The following PDZRN3 variants were observed in gnomAD, a reference collection of about 807,000 sequenced individuals.
PDZRN3 encodes the protein PDZ domain containing ring finger 3.
In PDZRN3, 38 loss-of-function variants were observed where a neutral mutation model predicts 85.7. That is an observed-to-expected ratio of 0.44 (90% CI 0.34 to 0.58). The LOEUF (loss-of-function observed/expected upper bound fraction) is 0.58, where lower values mean the gene tolerates loss of function less well. Ranked by LOEUF, PDZRN3 falls within the 20% of genes least tolerant of loss-of-function variation. PDZRN3 has a pLI of 0.01. For synonymous variants in PDZRN3, 759 were observed against 638.0 expected, an observed-to-expected ratio of 1.19 and a Z score of -2.86; for missense variants, 1,629 against 1,506.4, an observed-to-expected ratio of 1.08 and a Z score of -1.35.
intron 3 of PDZRN3, among the ~76,000 whole-genome samples, chr3:73,596,458 T>C: frequency 6.6e-6 from 1 of 152,210 alleles, no homozygotes; most frequent in Non-Finnish European, 1.5e-5. Flanking sequence ...AACTATTGAT[T>C]ATAAAGAAGA....
At chr3:73,419,588 A>AT (rs1317601442) in intron 3 of PDZRN3, among the ~76,000 whole-genome samples, 13 of 151,966 alleles carry the variant, frequency 8.6e-5, no homozygotes, top group East Asian at 3.9e-4. Flanking sequence ...TGGGTCAGGG[A>AT]TTTTTTTTCC....
chr3:73,545,475 G>T (rs1401433737), intron 3 of PDZRN3, among the ~76,000 whole-genome samples: 2 of 152,172 alleles, frequency 1.3e-5, no homozygotes, highest in Admixed American at 6.5e-5. Flanking sequence ...CAGGCAAATG[G>T]TTAAGATTGC....
In PDZRN3 at chr3:73,604,809, A is replaced by G. The variant is rs1041989063; in HGVS notation, c.811-2348T>C. Among the ~76,000 whole-genome samples the G allele has an allele frequency of 3.9e-5, 6 of 152,262 alleles. No individual in the cohort carries two copies. The East Asian group carries it at 1.2e-3, about 29-fold the overall frequency. On this transcript the variant is annotated intron_variant, in intron 2 of 9. Transcript: ENST00000263666. ...CAAAATACCACATTGCACATAAGTA[A>G]TAACTCTTAAGGAGTACTAGAAAGT...
At chr3:73,560,853 G>C (rs938466305) in intron 3 of PDZRN3, among the ~76,000 whole-genome samples, 1 of 152,180 alleles carries the variant, frequency 6.6e-6, no homozygotes, top group Admixed American at 6.5e-5. Flanking sequence ...GGCTCCAGGT[G>C]ACTGACAATG....
chr3:73,400,059 C>CAGTT (rs747093597), intron 5 of PDZRN3, among the ~76,000 whole-genome samples: 1 of 152,184 alleles, frequency 6.6e-6, no homozygotes, highest in East Asian at 1.9e-4. Context: ...GATTACACAA[C>CAGTT]AGTTAGCCAT....
At chr3:73,563,010 TA>T (rs1176691863) in intron 3 of PDZRN3, among the ~76,000 whole-genome samples, 9 of 41,304 alleles carry the variant, frequency 2.2e-4, no homozygotes, top group Admixed American at 1.9e-3. Flanking sequence ...TATATATATA[TA>T]TATTTTTTTT....
chr3:73,624,927 G>A lies in PDZRN3; in HGVS notation c.-102C>T. The A allele has an allele frequency of 5.6e-6, 5 of 893,458 alleles. No individual in the cohort carries two copies. The highest frequency in any genetic ancestry group is 4.4e-5 in the Admixed American group (1 of 22,726). The allele number at this position is 893,458 out of a possible 1,614,324, so 55.3% of individuals were successfully genotyped here. A position where few individuals can be genotyped will look rare whatever the true frequency, so the allele number is the denominator to read the frequency against. On this transcript the variant is annotated 5_prime_UTR_variant, in exon 1 of 10. Transcript: ENST00000263666. The stretch of plus-strand genomic sequence containing the variant: ...CGGCTACGCCGCCCGCGCGCTCGCT[G>A]GCTCTCCCCGGACTGAGCCTAATTG...
intron 3 of PDZRN3, among the ~76,000 whole-genome samples, chr3:73,480,486 G>A (rs1703540586): frequency 6.6e-6 from 1 of 152,140 alleles, no homozygotes; most frequent in African/African-American, 2.4e-5. Flanking sequence ...TTCTTTGTCT[G>A]GCTCTCTTCT....
At chr3:73,587,976 C>T (rs1409470627) in intron 3 of PDZRN3, among the ~76,000 whole-genome samples, 6 of 152,134 alleles carry the variant, frequency 3.9e-5, no homozygotes, top group African/African-American at 9.7e-5. Flanking sequence ...CTTCTAAAAA[C>T]GAAACCAAAC....
intron 3 of PDZRN3, among the ~76,000 whole-genome samples, chr3:73,523,453 CTA>C (rs141660921): frequency 1.3e-4 from 20 of 151,048 alleles, no homozygotes; most frequent in Admixed American, 5.3e-4. Context: ...ATTGCAATAG[CTA>C]TATATATATA....
intron 3 of PDZRN3, among the ~76,000 whole-genome samples, chr3:73,538,859 T>C (rs917803419): frequency 6.6e-6 from 1 of 152,214 alleles, no homozygotes; most frequent in African/African-American, 2.4e-5. Flanking sequence ...TACAGTGATA[T>C]GAAGGCTCTC....
chr3:73,416,661 C>T lies in PDZRN3; in HGVS notation c.919-12266G>A, dbSNP rs556313068. On this transcript the variant is annotated intron_variant, in intron 3 of 9. Transcript: ENST00000263666. ...GAAGGAAGAATGGTTTATTCTGTGA[C>T]TGGCTAGAAAAGCCACTGAATCTTG... Among the ~76,000 whole-genome samples, 7 of 152,298 alleles carry T rather than the reference C, an allele frequency of 4.6e-5. No individual in the cohort carries two copies. In the South Asian group the frequency reaches 1.2e-3, roughly 27 times the overall value.
At chr3:73,457,271 C>T (rs1392581994) in intron 3 of PDZRN3, among the ~76,000 whole-genome samples, 2 of 152,032 alleles carry the variant, frequency 1.3e-5, no homozygotes, top group African/African-American at 4.8e-5. Context: ...TGAGGTTTTA[C>T]CACGTTGGCC....
intron 1 of PDZRN3, among the ~76,000 whole-genome samples, chr3:73,608,895 A>G (rs1702643122): frequency 6.6e-6 from 1 of 152,190 alleles, no homozygotes; most frequent in Non-Finnish European, 1.5e-5. Context: ...GATACCATCT[A>G]ACCCTGGAAT....
intron 3 of PDZRN3, among the ~76,000 whole-genome samples, chr3:73,591,747 A>G (rs187413035): frequency 1.5e-3 from 228 of 152,320 alleles, no homozygotes; most frequent in Non-Finnish European, 2.9e-3. Flanking sequence ...GCTCAGAGAT[A>G]AGAAGTTTCC....
chr3:73,485,514 G>T (rs1250569875), intron 3 of PDZRN3, among the ~76,000 whole-genome samples: 1 of 151,954 alleles, frequency 6.6e-6, no homozygotes, highest in Non-Finnish European at 1.5e-5. Flanking sequence ...CTACTACTTG[G>T]CTACTAAAAC....
At chr3:73,490,497 G>C (rs1191622400) in intron 3 of PDZRN3, among the ~76,000 whole-genome samples, 1 of 152,110 alleles carries the variant, frequency 6.6e-6, no homozygotes, top group Non-Finnish European at 1.5e-5. Flanking sequence ...TTTTGGGATG[G>C]GCATCTACAT....
intron 3 of PDZRN3, among the ~76,000 whole-genome samples, chr3:73,450,814 C>T (rs1241969507): frequency 6.6e-6 from 1 of 152,118 alleles, no homozygotes; most frequent in African/African-American, 2.4e-5. Context: ...CTGGTGCTGC[C>T]CATCAGAAGC....
chr3:73,464,272 A>G (rs1703166356), intron 3 of PDZRN3, among the ~76,000 whole-genome samples: 1 of 152,204 alleles, frequency 6.6e-6, no homozygotes, highest in Admixed American at 6.5e-5. Flanking sequence ...GGCGTGAGCC[A>G]TGGTGCCTGG....
Sources: allele counts gnomAD v4.1 joint callset (sites outside exome capture counted in the v4.1 genomes callset), GRCh38; gene constraint gnomAD v4.1.1; transcripts MANE v1.5; gene names NCBI Gene and HGNC (gene_info 2026-07-23, HGNC 2026-07-21).